The following ABCC6 variants were observed in gnomAD, a reference collection of about 807,000 sequenced individuals.
ABCC6 encodes ATP-binding cassette sub-family C member 6.
Under a neutral mutation model 169.5 loss-of-function variants are expected in ABCC6, and 126 were observed. The ratio of observed to expected loss-of-function variants is 0.74; its 90% CI spans 0.64 to 0.86. ABCC6 has a LOEUF of 0.86. Among genes scored for constraint, ABCC6 ranks in the 40% least tolerant of loss-of-function variants. The pLI, the probability that ABCC6 is intolerant of heterozygous loss-of-function variation, is 0.00. For synonymous variants in ABCC6, 752 were observed against 814.7 expected, an observed-to-expected ratio of 0.92 and a Z score of 1.31; for missense variants, 1,733 against 1,927.2, an observed-to-expected ratio of 0.90 and a Z score of 1.89.
chr16:16,206,073 C>A (rs1165055396), intron 7 of ABCC6, among the ~76,000 whole-genome samples: 17 of 152,214 alleles, frequency 1.1e-4, no homozygotes, highest in Admixed American at 1.1e-3. Flanking sequence ...GGAAAGTTTT[C>A]TTTCTGGCTG....
intron 17 of ABCC6, among the ~76,000 whole-genome samples, chr16:16,180,150 T>C (rs543714957): frequency 6.6e-6 from 1 of 152,168 alleles, no homozygotes; most frequent in Admixed American, 6.5e-5. Flanking sequence ...CAATAAGGAA[T>C]GGCTGTAAAT....
intron 6 of ABCC6, among the ~76,000 whole-genome samples, chr16:16,211,887 G>C (rs72664292): frequency 0.035 from 5,247 of 151,334 alleles, 103 homozygotes; most frequent in African/African-American, 0.045. Context: ...AGCACTTTCC[G>C]TCTCATGCAG....
At chr16:16,171,729 T>G (rs903281306) in intron 21 of ABCC6, among the ~76,000 whole-genome samples, 3 of 151,974 alleles carry the variant, frequency 2.0e-5, no homozygotes, top group Non-Finnish European at 4.4e-5. Flanking sequence ...AATGAGTAGG[T>G]GGGTGAGTGG....
intron 22 of ABCC6, among the ~76,000 whole-genome samples, chr16:16,167,158 C>A (rs2046904045): frequency 6.6e-6 from 1 of 152,276 alleles, no homozygotes; most frequent in South Asian, 2.1e-4. Context: ...CATGGCCAAT[C>A]CAAACCACTG....
At chr16:16,190,997 G>A (rs1251444711) in intron 11 of ABCC6, among the ~76,000 whole-genome samples, 1 of 151,440 alleles carries the variant, frequency 6.6e-6, no homozygotes, top group Non-Finnish European at 1.5e-5. Flanking sequence ...AGGACACTCA[G>A]TGTGACCAGA....
intron 22 of ABCC6, among the ~76,000 whole-genome samples, chr16:16,166,809 G>A (rs749167739): frequency 2.6e-5 from 4 of 152,062 alleles, no homozygotes; most frequent in Non-Finnish European, 4.4e-5. Context: ...GAGAAACACT[G>A]GAACCCAGGA....
chr16:16,204,303 G>A (rs2048328914), intron 7 of ABCC6, among the ~76,000 whole-genome samples: 3 of 152,152 alleles, frequency 2.0e-5, no homozygotes, highest in Non-Finnish European at 2.9e-5. Context: ...TGATCTGCTC[G>A]CCTTGGCCTC....
intron 13 of ABCC6, among the ~76,000 whole-genome samples, chr16:16,187,894 C>T (rs927882758): frequency 4.2e-5 from 5 of 118,168 alleles, no homozygotes; most frequent in African/African-American, 1.4e-4. Context: ...GAGACACTGT[C>T]TCAATAAATA....
chr16:16,182,560 GC>G lies in ABCC6; in HGVS notation c.2098del (p.Ala700ProfsTer9). The G allele has an allele frequency of 6.2e-7, 1 of 1,613,078 alleles. No individual in the cohort carries two copies. On this transcript the variant is annotated frameshift_variant, in exon 17 of 31. Transcript: ENST00000205557. LOFTEE classifies it high-confidence loss of function. ...EGAVAYVPQEAWVQNTSVVEN... is the reference protein window; with the variant it reads ...EGAVAYVPQEXWVQNTSVVEN... ...TACCACAGAGGTGTTCTGCACCCAG[GC>G]CTCCTGGGGCACGTAGGCCACAGCA...
chr16:16,186,163 G>C (rs1567507797), intron 14 of ABCC6, among the ~76,000 whole-genome samples: 1 of 152,194 alleles, frequency 6.6e-6, no homozygotes, highest in Non-Finnish European at 1.5e-5. Context: ...TGCAACAAGG[G>C]GGAGGGTGTC....
intron 4 of ABCC6, among the ~76,000 whole-genome samples, chr16:16,215,399 CT>C (rs1399804913): frequency 1.4e-5 from 2 of 147,496 alleles, no homozygotes; most frequent in South Asian, 2.2e-4. Context: ...AATTTTCTTT[CT>C]TTTTTTAATT....
At chr16:16,157,922 C>T (rs2046604132) in intron 26 of ABCC6, 113 bp from the exon 27 acceptor site, 42 of 1,196,898 alleles carry the variant, frequency 3.5e-5, no homozygotes, top group Non-Finnish European at 4.6e-5. Flanking sequence ...GTATTTATTG[C>T]TGTTTTACAG....
chr16:16,193,059 G>A (rs754292380), intron 10 of ABCC6, 137 bp from the exon 11 acceptor site: 102 of 706,042 alleles, frequency 1.4e-4, no homozygotes, highest in Non-Finnish European at 2.3e-4. Flanking sequence ...TTCCCAGACG[G>A]TTAGGGTATT....
At position 16,150,004 on chromosome 16, in the gene ABCC6, C is replaced by T; in HGVS notation, c.*129G>A. The T allele has an allele frequency of 7.1e-7, 1 of 1,412,180 alleles. No individual in the cohort carries two copies. Among genetic ancestry groups the T allele is most frequent in the Non-Finnish European group, 9.8e-7 (1 of 1,023,560 alleles). 87.5% of individuals were successfully genotyped at this position (1,412,180 alleles called of 1,614,324 possible). The stretch of plus-strand genomic sequence containing the variant: ...ATTGGCCACTTTCTCTGCCATTTTC[C>T]TCCCAGAGAGCAAACACAGGTCTAG... On this transcript the variant is annotated 3_prime_UTR_variant, in exon 31 of 31. Coordinates refer to ENST00000205557, the MANE Select transcript of ABCC6 (RefSeq NM_001171.6).
chr16:16,212,898 C>A (rs1034035928), intron 5 of ABCC6, among the ~76,000 whole-genome samples: 5 of 151,982 alleles, frequency 3.3e-5, no homozygotes, highest in African/African-American at 1.2e-4. Flanking sequence ...ACCTGTCGTG[C>A]GATTTTTGTC....
intron 10 of ABCC6, among the ~76,000 whole-genome samples, chr16:16,193,668 C>T (rs570682803): frequency 5.9e-5 from 9 of 152,294 alleles, no homozygotes; most frequent in East Asian, 1.9e-4. Flanking sequence ...GAGCCACGAT[C>T]GCACCACTGC....
chr16:16,175,253 C>T (rs963489395), intron 20 of ABCC6, among the ~76,000 whole-genome samples: 1 of 152,136 alleles, frequency 6.6e-6, no homozygotes, highest in African/African-American at 2.4e-5. Context: ...GGACTGAGGC[C>T]CCTCAAGATC....
At chr16:16,193,638 C>T (rs1485208395) in intron 10 of ABCC6, among the ~76,000 whole-genome samples, 2 of 152,174 alleles carry the variant, frequency 1.3e-5, no homozygotes, top group Non-Finnish European at 2.9e-5. Context: ...AGCTTGAACC[C>T]AGGAGGCGGA....
chr16:16,150,142 G>GT lies in ABCC6; in HGVS notation c.4502_4503insA (p.Leu1502ProfsTer26). 1 of 1,612,540 alleles carries GT rather than the reference G, an allele frequency of 6.2e-7. No homozygotes were observed. Among genetic ancestry groups the GT allele is most frequent in the East Asian group, 2.2e-5 (1 of 44,880 alleles). Reference sequence around the variant, plus strand: ...GGTTGAGGGTCCTGGCTCAGACCAGGCCTGACTCCTGGGCCAGTCTGTAAA... The same window carrying GT: ...GGTTGAGGGTCCTGGCTCAGACCAGGTCCTGACTCCTGGGCCAGTCTGTAAA... On this transcript the variant is annotated frameshift_variant, in exon 31 of 31. Coordinates refer to ENST00000205557, the MANE Select transcript of ABCC6 (RefSeq NM_001171.6). LOFTEE classifies it high-confidence loss of function.
Sources: gnomAD v4.1 joint callset for allele counts (sites outside exome capture counted in the v4.1 genomes callset) on GRCh38, gnomAD v4.1.1 for gene constraint, MANE v1.5 for transcripts, NCBI Gene and HGNC (gene_info 2026-07-23, HGNC 2026-07-21) for gene names.